SHISA6: variants seen among roughly 807,000 people sequenced by gnomAD.
SHISA6 encodes protein shisa-6.
SHISA6 carries 22 observed loss-of-function variants against 47.9 expected under a neutral mutation model. The ratio of observed to expected loss-of-function variants is 0.46; its 90% confidence interval spans 0.33 to 0.66. SHISA6 has a LOEUF of 0.66. Among genes scored for constraint, SHISA6 ranks in the 30% least tolerant of loss-of-function variants. The pLI is 0.02. For synonymous variants in SHISA6, 388 were observed against 337.8 expected (o/e 1.15, Z -1.63); for missense variants, 680 against 764.6 (o/e 0.89, Z 1.30).
At position 11,521,193 on chromosome 17, in the gene SHISA6, T is replaced by A. The variant is rs73286875; in HGVS notation, c.896-30703T>A. On this transcript the variant is annotated intron_variant, in intron 3 of 5. Coordinates refer to ENST00000441885, the MANE Select transcript of SHISA6 (RefSeq NM_207386.4). ...ATTTCTTTATTAAGATAACTGATCT[T>A]AAACACTATTAACCAGTGGATTATA... is the stretch of plus-strand genomic sequence containing the variant. 4.9e-3 allele frequency among the ~76,000 whole-genome samples: 746 copies of A among 152,362 alleles called. 3 individuals are homozygous for A. The highest frequency in any genetic ancestry group is 0.017 in the African/African-American group (706 of 41,584).
intron 4 of SHISA6, among the ~76,000 whole-genome samples, chr17:11,555,175 G>A (rs2071965445): frequency 6.6e-6 from 1 of 152,074 alleles, no homozygotes; most frequent in Admixed American, 6.6e-5. Context: ...TGGCTTGTCA[G>A]GTGCAGAGCT....
At chr17:11,243,543 TC>T (rs778862452) in intron 1 of SHISA6, among the ~76,000 whole-genome samples, 1 of 152,132 alleles carries the variant, frequency 6.6e-6, no homozygotes, top group Non-Finnish European at 1.5e-5. Flanking sequence ...CAGCCTGTGG[TC>T]AGTCTTGGCT....
chr17:11,250,271 C>T (rs1907750918), intron 1 of SHISA6, among the ~76,000 whole-genome samples: 1 of 152,162 alleles, frequency 6.6e-6, no homozygotes, highest in African/African-American at 2.4e-5. Flanking sequence ...TGTGCCTTCC[C>T]TTCTTTCTAT....
At chr17:11,289,293 TTTTGA>T in intron 2 of SHISA6, 1 of 152,018 alleles carries the variant, frequency 6.6e-6, no homozygotes, top group Non-Finnish European at 1.5e-5. Context: ...TTTGTTACCC[TTTTGA>T]AATAATGCTA....
At chr17:11,452,861 G>C (rs36012353) in intron 3 of SHISA6, among the ~76,000 whole-genome samples, 1 of 148,872 alleles carries the variant, frequency 6.7e-6, no homozygotes, top group Admixed American at 6.7e-5. Flanking sequence ...GTTCTCCTAC[G>C]ACTACTTCTC....
chr17:11,390,696 G>T (rs1249492271), intron 3 of SHISA6, among the ~76,000 whole-genome samples: 1 of 152,176 alleles, frequency 6.6e-6, no homozygotes, highest in Non-Finnish European at 1.5e-5. Context: ...TATCCTGCAT[G>T]TTGGAAGCCA....
chr17:11,282,330 G>T (rs1909150055), intron 2 of SHISA6, among the ~76,000 whole-genome samples: 1 of 151,974 alleles, frequency 6.6e-6, no homozygotes, highest in African/African-American at 2.4e-5. Flanking sequence ...AAGATCGAAA[G>T]TTCTTTCTCC....
intron 2 of SHISA6, among the ~76,000 whole-genome samples, chr17:11,300,608 C>T (rs899606769): frequency 4.6e-5 from 7 of 151,918 alleles, no homozygotes; most frequent in Non-Finnish European, 8.8e-5. Flanking sequence ...TGTGGCAAGC[C>T]TGTGTGCCCT....
At chr17:11,475,683 AG>A (rs1916034929) in intron 3 of SHISA6, among the ~76,000 whole-genome samples, 1 of 151,820 alleles carries the variant, frequency 6.6e-6, no homozygotes, top group Admixed American at 6.6e-5. Flanking sequence ...TGATTTGCTT[AG>A]GTTTCTTTTT....
At chr17:11,353,227 G>A (rs1173425050) in intron 2 of SHISA6, among the ~76,000 whole-genome samples, 1 of 152,162 alleles carries the variant, frequency 6.6e-6, no homozygotes, top group Non-Finnish European at 1.5e-5. Flanking sequence ...GGGAGGCCGA[G>A]GCTGGCGGAT....
intron 3 of SHISA6, among the ~76,000 whole-genome samples, chr17:11,516,225 T>C (rs2142359099): frequency 6.6e-6 from 1 of 152,320 alleles, no homozygotes; most frequent in Admixed American, 6.5e-5. Context: ...ACATAAGGAT[T>C]GGTGACAGGA....
chr17:11,460,358 C>T (rs1314961749), intron 3 of SHISA6, among the ~76,000 whole-genome samples: 3 of 152,106 alleles, frequency 2.0e-5, no homozygotes, highest in Non-Finnish European at 2.9e-5. Context: ...ATACAAATAT[C>T]TAGGAGTTGG....
At chr17:11,471,159 A>T (rs940149218) in intron 3 of SHISA6, among the ~76,000 whole-genome samples, 1 of 150,764 alleles carries the variant, frequency 6.6e-6, no homozygotes, top group Non-Finnish European at 1.5e-5. Flanking sequence ...CAGTGAGCCA[A>T]GATCATGCCA....
chr17:11,542,931 G>C (rs900642519), intron 3 of SHISA6, among the ~76,000 whole-genome samples: 1 of 152,024 alleles, frequency 6.6e-6, no homozygotes, highest in Admixed American at 6.5e-5. Flanking sequence ...ATAGTGTCTA[G>C]GATGGAGTAT....
chr17:11,453,783 G>C (rs1915462508), intron 3 of SHISA6, among the ~76,000 whole-genome samples: 1 of 152,194 alleles, frequency 6.6e-6, no homozygotes, highest in Non-Finnish European at 1.5e-5. Context: ...CATTATGCGA[G>C]ATGCAAGAAG....
chr17:11,241,334 C>G lies in SHISA6; in HGVS notation c.-89C>G, dbSNP rs1417881880. 3 of 853,152 alleles carry G rather than the reference C, an allele frequency of 3.5e-6. No homozygotes were observed. The highest frequency in any genetic ancestry group is 4.2e-6 in the Non-Finnish European group (3 of 708,084). 52.8% of individuals were successfully genotyped at this position (853,152 alleles called of 1,614,324 possible). A position where few individuals can be genotyped will look rare whatever the true frequency, so the allele number is the denominator to read the frequency against. On this transcript the variant is annotated 5_prime_UTR_variant, in exon 1 of 6. Transcript: ENST00000441885. This position sits in a 1 kb window ranked among gnomAD's most constrained non-coding sequence, Gnocchi z 5.5. ...CGCTGACCGCTCAGCGCCTCCAGCC[C>G]GGCCCGCGCGGCGGGTCCTCCGAGC...
chr17:11,441,676 C>T lies in SHISA6; in HGVS notation c.895+62167C>T, dbSNP rs1216312694. 2.6e-5 allele frequency among the ~76,000 whole-genome samples: 4 copies of T among 152,150 alleles called. No homozygotes were observed. In the East Asian group the frequency reaches 5.8e-4, roughly 22 times the overall value. ...ATAGTTCTAGATTTGAGATTGAAGC[C>T]CAAAATGTATTTATACCCACTATGA... On this transcript the variant is annotated intron_variant, in intron 3 of 5. Transcript: ENST00000441885.
At chr17:11,318,268 C>G (rs534524049) in intron 2 of SHISA6, among the ~76,000 whole-genome samples, 8 of 152,286 alleles carry the variant, frequency 5.3e-5, no homozygotes, top group Non-Finnish European at 8.8e-5. Flanking sequence ...ATACTAATCT[C>G]TCTTTGTAAC....
intron 3 of SHISA6, among the ~76,000 whole-genome samples, chr17:11,451,575 C>T (rs771131058): frequency 1.2e-4 from 18 of 152,146 alleles, no homozygotes; most frequent in Non-Finnish European, 2.5e-4. Flanking sequence ...GGGGAAGGAA[C>T]ACAAGGACTG....
Sources: gnomAD v4.1 joint callset for allele counts (sites outside exome capture counted in the v4.1 genomes callset) on GRCh38, gnomAD v4.1.1 for gene constraint, Gnocchi (gnomAD v3.1) non-coding constraint, MANE v1.5 for transcripts, NCBI Gene and HGNC (gene_info 2026-07-23, HGNC 2026-07-21) for gene names.